Variants in KCNT2 observed in about 807,000 individuals in gnomAD.
The protein encoded by KCNT2 is potassium sodium-activated channel subfamily T member 2.
A neutral mutation model predicts 153.8 loss-of-function variants in KCNT2; 67 were observed. That is an observed-to-expected ratio of 0.44 (90% CI 0.36 to 0.53). The LOEUF is 0.53. KCNT2 is among the 20% of genes least tolerant of loss of function. The pLI is 0.00. For missense variants in KCNT2, 975 were observed against 1,354.8 expected (o/e 0.72, Z 4.40); for synonymous variants, 500 against 458.8 (o/e 1.09, Z -1.15).
chr1:196,500,253 AAAGG>A lies in KCNT2; in HGVS notation c.96-7916_96-7913del, dbSNP rs1223108904. Among the ~76,000 whole-genome samples the A allele has an allele frequency of 1.7e-3, 160 of 95,178 alleles. 2 individuals are homozygous for A. The highest frequency in any genetic ancestry group is 2.5e-3 in the African/African-American group (55 of 22,096). The allele number at this position is 95,178 out of a possible 152,430, so 62.4% of individuals were successfully genotyped here. ...GAGAGAGAGAGAGAGAAAGAAAGAA[AAAGG>A]AAGGAAGGAAGGAAGGAAGGAAGGG... On this transcript the variant is annotated intron_variant, in intron 1 of 27. Transcript: ENST00000294725.
At chr1:196,303,625 A>C (rs567047917) in intron 22 of KCNT2, among the ~76,000 whole-genome samples, 3 of 152,294 alleles carry the variant, frequency 2.0e-5, no homozygotes, top group Non-Finnish European at 4.4e-5. Context: ...TATATGTCAA[A>C]TGCAGGGCTA....
At chr1:196,602,760 T>G (rs1664869794) in intron 1 of KCNT2, among the ~76,000 whole-genome samples, 1 of 148,728 alleles carries the variant, frequency 6.7e-6, no homozygotes, top group Admixed American at 6.8e-5. Flanking sequence ...ACTATATATA[T>G]TCAAAGTCTA....
chr1:196,363,149 C>T (rs537823003), intron 14 of KCNT2, among the ~76,000 whole-genome samples: 3 of 152,066 alleles, frequency 2.0e-5, no homozygotes, highest in African/African-American at 7.2e-5. Flanking sequence ...TGCCTTATCC[C>T]TTATTTACTT....
chr1:196,310,789 AT>A (rs1204659379), intron 21 of KCNT2, among the ~76,000 whole-genome samples: 1 of 151,828 alleles, frequency 6.6e-6, no homozygotes, highest in African/African-American at 2.4e-5. Context: ...AATTCTCTAC[AT>A]TGTACCTGCA....
In KCNT2 at chr1:196,406,771, C is replaced by T. The variant is rs547664443; in HGVS notation, c.1186-8100G>A. Among the ~76,000 whole-genome samples the T allele has an allele frequency of 6.5e-4, 98 of 151,426 alleles. 1 individual carries two copies. Among genetic ancestry groups the T allele is most frequent in the African/African-American group, 2.0e-3 (83 of 41,446 alleles). On this transcript the variant is annotated intron_variant, in intron 12 of 27. Coordinates refer to ENST00000294725, the MANE Select transcript of KCNT2 (RefSeq NM_198503.5). ...CTAGTTTTAGGAAAAAAAGTCCTTG[C>T]TTTTTCAATAATCTCTCAGGGACTG... is the stretch of plus-strand genomic sequence containing the variant.
chr1:196,301,343 G>A (rs995675771), intron 22 of KCNT2, among the ~76,000 whole-genome samples: 5 of 152,048 alleles, frequency 3.3e-5, no homozygotes, highest in African/African-American at 1.2e-4. Context: ...TGATTCTCTC[G>A]CATGCACACT....
At chr1:196,468,206 G>A (rs892926774) in intron 6 of KCNT2, among the ~76,000 whole-genome samples, 4 of 151,994 alleles carry the variant, frequency 2.6e-5, no homozygotes, top group Admixed American at 6.6e-5. Flanking sequence ...AAGCGACATT[G>A]CGGAGCTATG....
intron 1 of KCNT2, among the ~76,000 whole-genome samples, chr1:196,543,188 T>C (rs1656619231): frequency 6.6e-6 from 1 of 152,128 alleles, no homozygotes; most frequent in Admixed American, 6.6e-5. Context: ...CATGAGAAAT[T>C]TTGCTCATGA....
At chr1:196,230,898 A>C (rs1361940484) in intron 27 of KCNT2, among the ~76,000 whole-genome samples, 2 of 152,034 alleles carry the variant, frequency 1.3e-5, no homozygotes, top group African/African-American at 2.4e-5. Context: ...GCAGGGTTTG[A>C]AAGGATTGAC....
chr1:196,583,696 A>G (rs1432525227), intron 1 of KCNT2, among the ~76,000 whole-genome samples: 2 of 152,042 alleles, frequency 1.3e-5, no homozygotes, highest in African/African-American at 4.8e-5. Context: ...AAGTTTCAAG[A>G]AAGAGGAGGA....
intron 8 of KCNT2, among the ~76,000 whole-genome samples, chr1:196,434,900 A>G (rs1383086854): frequency 6.6e-6 from 1 of 151,476 alleles, no homozygotes; most frequent in African/African-American, 2.4e-5. Context: ...AAAGAGAACT[A>G]AGATGTCCTA....
chr1:196,342,354 ATCTGAGTAATGCTTTGAAG>A (rs1665724244), intron 14 of KCNT2, 126 bp from the exon 15 acceptor site: 2 of 636,176 alleles, frequency 3.1e-6, no homozygotes, highest in East Asian at 6.4e-5. Context: ...CCAAAGGAGC[ATCTGAGTAATGCTTTGAAG>A]TCTGAAGATG....
At chr1:196,550,432 T>C (rs572933663) in intron 1 of KCNT2, among the ~76,000 whole-genome samples, 1 of 152,062 alleles carries the variant, frequency 6.6e-6, no homozygotes, top group East Asian at 1.9e-4. Context: ...ATGATCACTC[T>C]GTCAGAAAAA....
chr1:196,273,519 C>T lies in KCNT2; in HGVS notation c.2910+7341G>A, dbSNP rs576344609. On this transcript the variant is annotated intron_variant, in intron 25 of 27. Coordinates refer to ENST00000294725, the MANE Select transcript of KCNT2 (RefSeq NM_198503.5). ...ACAACGGGAGGGAAAAAGAAACACA[C>T]AAAACACAGTTTAAACAATGACTAA... is the stretch of plus-strand genomic sequence containing the variant. The T allele has an allele frequency of 4.1e-5, 62 of 1,512,408 alleles. 1 individual carries two copies. The South Asian group carries it at 6.7e-4, about 16-fold the overall frequency. 93.7% of individuals were successfully genotyped at this position (1,512,408 alleles called of 1,614,324 possible). A position where few individuals can be genotyped will look rare whatever the true frequency, so the allele number is the denominator to read the frequency against.
At chr1:196,439,775 T>C (rs913347011) in intron 8 of KCNT2, among the ~76,000 whole-genome samples, 3 of 151,942 alleles carry the variant, frequency 2.0e-5, no homozygotes, top group African/African-American at 7.2e-5. Flanking sequence ...CTTGAACTTG[T>C]TTACAGTTCT....
At chr1:196,433,041 GC>G (rs1300851751) in intron 8 of KCNT2, among the ~76,000 whole-genome samples, 1 of 151,998 alleles carries the variant, frequency 6.6e-6, no homozygotes, top group Non-Finnish European at 1.5e-5. Flanking sequence ...AATAGAATTA[GC>G]AACCTTATAA....
chr1:196,591,395 G>A (rs931680344), intron 1 of KCNT2, among the ~76,000 whole-genome samples: 5 of 151,992 alleles, frequency 3.3e-5, no homozygotes, highest in Admixed American at 1.3e-4. Flanking sequence ...AAATCACCCA[G>A]CCTGAGGTAT....
intron 13 of KCNT2, among the ~76,000 whole-genome samples, chr1:196,375,534 G>T (rs556141141): frequency 6.6e-5 from 10 of 151,386 alleles, no homozygotes; most frequent in Non-Finnish European, 1.5e-4. Context: ...CCTTGTCATT[G>T]GTAAAAGTGT....
intron 13 of KCNT2, among the ~76,000 whole-genome samples, chr1:196,383,312 T>C (rs1446375633): frequency 6.6e-6 from 1 of 152,192 alleles, no homozygotes; most frequent in Non-Finnish European, 1.5e-5. Flanking sequence ...AAACTATGTA[T>C]ATGCTTAGTA....
Sources: gnomAD v4.1 joint callset for allele counts (sites outside exome capture counted in the v4.1 genomes callset) on GRCh38, gnomAD v4.1.1 for gene constraint, MANE v1.5 for transcripts, NCBI Gene and HGNC (gene_info 2026-07-23, HGNC 2026-07-21) for gene names.